Variants in SLC4A7 observed in about 807,000 individuals in gnomAD.
SLC4A7 encodes solute carrier family 4 member 7, also known as sodium bicarbonate cotransporter 3.
A neutral mutation model predicts 137.6 loss-of-function variants in SLC4A7; 51 were observed. The ratio of observed to expected loss-of-function variants is 0.37; its 90% confidence interval spans 0.30 to 0.47. The LOEUF is 0.47. SLC4A7 is among the 20% of genes least tolerant of loss of function. The probability of loss-of-function intolerance (pLI) is 1.00; values close to 1 mark genes in which losing one functional copy is unlikely to be tolerated. For missense variants in SLC4A7, 1,247 were observed against 1,525.4 expected, an observed-to-expected ratio of 0.82 and a Z score of 3.04; for synonymous variants, 542 against 518.6, an observed-to-expected ratio of 1.05 and a Z score of -0.61.
rs71087607 is a variant in SLC4A7 at position 27,445,763 on chromosome 3, C to CAAA, written c.289+2885_289+2887dup. ...TGAAATCCTGTCTCTACTAAAAATA[C>CAAA]AAAAAAAAAAAAAAAAAAATTAGCC... On this transcript the variant is annotated intron_variant, in intron 3 of 25. Coordinates refer to ENST00000454389, the MANE Select transcript of SLC4A7 (RefSeq NM_001321103.2). Among the ~76,000 whole-genome samples the CAAA allele has an allele frequency of 1.1e-3, 109 of 99,600 alleles. 3 individuals carry two copies. The highest frequency in any genetic ancestry group is 7.3e-3 in the East Asian group (26 of 3,540). The allele number at this position is 99,600 out of a possible 152,430, so 65.3% of individuals were successfully genotyped here.
At chr3:27,466,626 G>C (rs9814620) in intron 1 of SLC4A7, among the ~76,000 whole-genome samples, 3 of 152,010 alleles carry the variant, frequency 2.0e-5, no homozygotes, top group African/African-American at 4.8e-5. Context: ...TCAGGAGTTC[G>C]AGACCAGCCT....
chr3:27,472,668 T>C (rs2059298065), intron 1 of SLC4A7, among the ~76,000 whole-genome samples: 1 of 152,160 alleles, frequency 6.6e-6, no homozygotes, highest in Non-Finnish European at 1.5e-5. Context: ...CAATATGAAT[T>C]CAAATTCTGA....
intron 1 of SLC4A7, among the ~76,000 whole-genome samples, chr3:27,463,079 G>A (rs571045296): frequency 1.3e-5 from 2 of 152,262 alleles, no homozygotes; most frequent in East Asian, 3.9e-4. Context: ...CAGATCACCC[G>A]AGGTCAGGAG....
At chr3:27,453,684 T>C (rs1017952572) in intron 1 of SLC4A7, among the ~76,000 whole-genome samples, 2 of 152,256 alleles carry the variant, frequency 1.3e-5, no homozygotes, top group African/African-American at 4.8e-5. Context: ...AAATTCTCAG[T>C]AAGTAAACTC....
chr3:27,396,516 T>A (rs2052186741), intron 18 of SLC4A7, among the ~76,000 whole-genome samples: 1 of 152,114 alleles, frequency 6.6e-6, no homozygotes, highest in Non-Finnish European at 1.5e-5. Context: ...TATTTTCATA[T>A]TTTTACATTA....
intron 11 of SLC4A7, among the ~76,000 whole-genome samples, chr3:27,414,404 G>A (rs2054190078): frequency 6.6e-6 from 1 of 152,150 alleles, no homozygotes; most frequent in African/African-American, 2.4e-5. Flanking sequence ...ACTGTTGACT[G>A]GAAAGCCTTA....
chr3:27,395,213 G>A (rs1035448383), intron 18 of SLC4A7, 98 bp from the exon 19 acceptor site: 3 of 748,538 alleles, frequency 4.0e-6, no homozygotes, highest in South Asian at 3.0e-5. Context: ...AATACCCAAC[G>A]AATGGGAAAT....
chr3:27,400,286 A>C (rs981518316), intron 16 of SLC4A7, among the ~76,000 whole-genome samples: 4 of 152,220 alleles, frequency 2.6e-5, no homozygotes, highest in African/African-American at 9.6e-5. Context: ...TTCGACCCAG[A>C]CTAGTCTTGA....
At chr3:27,403,106 AT>A in intron 15 of SLC4A7, 32 bp downstream of exon 15, 1 of 1,574,448 alleles carries the variant, frequency 6.4e-7, no homozygotes, top group Non-Finnish European at 8.6e-7. Context: ...GTAAAAACAC[AT>A]TTTAATATTA....
chr3:27,442,674 G>C (rs1487085767), intron 3 of SLC4A7, among the ~76,000 whole-genome samples: 1 of 152,168 alleles, frequency 6.6e-6, no homozygotes, highest in East Asian at 1.9e-4. Context: ...GCCTCCCAAA[G>C]TGCTGGTGTT....
rs372788691 is a variant in SLC4A7 at position 27,448,631 on chromosome 3, G to C, written c.289+20C>G. 4.5e-5 allele frequency: 71 copies of C among 1,594,590 alleles called. No individual in the cohort carries two copies. The highest frequency in any genetic ancestry group is 3.6e-4 in the South Asian group (32 of 89,450). On this transcript the variant is annotated intron_variant, in intron 3 of 25. Coordinates refer to ENST00000454389, the MANE Select transcript of SLC4A7 (RefSeq NM_001321103.2). ...AAAATAGGAACTTTAAACTGCTAAA[G>C]AAGAACTGTTTTCTCTTACCATAAG...
intron 22 of SLC4A7, among the ~76,000 whole-genome samples, chr3:27,388,734 C>A (rs2051228311): frequency 6.6e-6 from 1 of 151,876 alleles, no homozygotes. Flanking sequence ...AAAACAATAA[C>A]CATGAATCCC....
intron 1 of SLC4A7, among the ~76,000 whole-genome samples, chr3:27,459,596 T>C (rs1164711057): frequency 6.6e-6 from 1 of 152,170 alleles, no homozygotes; most frequent in African/African-American, 2.4e-5. Context: ...AATGGAAATA[T>C]ATATATTCTT....
At chr3:27,424,240 G>A (rs749821091) in intron 7 of SLC4A7, 88 bp from the exon 8 acceptor site, 26 of 647,934 alleles carry the variant, frequency 4.0e-5, no homozygotes, top group Non-Finnish European at 6.1e-5. Flanking sequence ...GATGATTTAT[G>A]AATATTATAA....
chr3:27,406,679 A>C (rs2053393685), intron 13 of SLC4A7, among the ~76,000 whole-genome samples: 1 of 152,180 alleles, frequency 6.6e-6, no homozygotes, highest in Admixed American at 6.5e-5. Context: ...CTATAACACA[A>C]GCACTTTGGG....
chr3:27,441,029 G>C (rs2057152090), intron 3 of SLC4A7, among the ~76,000 whole-genome samples: 1 of 152,090 alleles, frequency 6.6e-6, no homozygotes, highest in Non-Finnish European at 1.5e-5. Flanking sequence ...TGGGTGACAA[G>C]AGTGAGACTC....
intron 3 of SLC4A7, among the ~76,000 whole-genome samples, chr3:27,441,838 T>G (rs1021060423): frequency 6.6e-6 from 1 of 152,060 alleles, no homozygotes; most frequent in Non-Finnish European, 1.5e-5. Flanking sequence ...ACTTGTCCAT[T>G]TCATGTAAAT....
chr3:27,408,191 C>T (rs367545567), intron 13 of SLC4A7, among the ~76,000 whole-genome samples: 1 of 152,166 alleles, frequency 6.6e-6, no homozygotes, highest in Non-Finnish European at 1.5e-5. Context: ...GCTCTTCTTA[C>T]ACTTATCTAT....
At chr3:27,440,402 C>G (rs955513357) in intron 3 of SLC4A7, among the ~76,000 whole-genome samples, 4 of 152,094 alleles carry the variant, frequency 2.6e-5, no homozygotes, top group African/African-American at 4.8e-5. Flanking sequence ...TCAGGCCAAC[C>G]TGCATAATCT....
Sources: gnomAD v4.1 joint callset for allele counts (sites outside exome capture counted in the v4.1 genomes callset) on GRCh38, gnomAD v4.1.1 for gene constraint, MANE v1.5 for transcripts, NCBI Gene and HGNC (gene_info 2026-07-23, HGNC 2026-07-21) for gene names.